APPL1: variants seen among roughly 807,000 people sequenced by gnomAD.
The protein encoded by APPL1 is adaptor protein, phosphotyrosine interacting with PH domain and leucine zipper 1.
APPL1 carries 42 observed loss-of-function variants against 106.8 expected under a neutral mutation model. The observed-to-expected ratio is 0.39, with a 90% CI of 0.31 to 0.51. The LOEUF (loss-of-function observed/expected upper bound fraction) is 0.51, where lower values mean the gene tolerates loss of function less well. Ranked by LOEUF, APPL1 falls within the 20% of genes least tolerant of loss-of-function variation. The probability of loss-of-function intolerance (pLI) is 0.75; values close to 1 mark genes in which losing one functional copy is unlikely to be tolerated. For missense variants in APPL1, 769 were observed against 858.2 expected (o/e 0.90, Z 1.30); for synonymous variants, 263 against 281.8 (o/e 0.93, Z 0.67).
Position 57,265,401 on chromosome 3 carries a change from C to T in APPL1, c.1843-2341C>T, listed in dbSNP as rs192218363. ...CTGGCCTCAAGTGATCCACCTGTCTCGGCCTCCCAAAGTGCTGGGATTACA... is the reference window on the plus strand; with the variant it reads ...CTGGCCTCAAGTGATCCACCTGTCTTGGCCTCCCAAAGTGCTGGGATTACA... On this transcript the variant is annotated intron_variant, in intron 19 of 21. Transcript: ENST00000288266. Among the ~76,000 whole-genome samples, 440 of 152,280 alleles carry T rather than the reference C, an allele frequency of 2.9e-3. 3 individuals are homozygous for T. The highest frequency in any genetic ancestry group is 4.4e-3 in the Non-Finnish European group (302 of 68,012).
chr3:57,253,122 G>T (rs1178343305), intron 12 of APPL1, among the ~76,000 whole-genome samples: 1 of 152,118 alleles, frequency 6.6e-6, no homozygotes, highest in Non-Finnish European at 1.5e-5. Flanking sequence ...TTGAATCCTC[G>T]AGAGTGAAGC....
At chr3:57,267,871 G>T in intron 20 of APPL1, 79 bp downstream of exon 20, 1 of 1,458,516 alleles carries the variant, frequency 6.9e-7, no homozygotes, top group South Asian at 1.1e-5. Flanking sequence ...GCGGGCAGAT[G>T]ACTTGAGGTC....
At chr3:57,256,111 A>T (rs1177044563) in intron 13 of APPL1, among the ~76,000 whole-genome samples, 1 of 152,160 alleles carries the variant, frequency 6.6e-6, no homozygotes, top group Non-Finnish European at 1.5e-5. Flanking sequence ...CAGGAGGCTG[A>T]GGGGGGAGGA....
intron 1 of APPL1, among the ~76,000 whole-genome samples, chr3:57,231,023 A>C (rs1270160906): frequency 6.6e-6 from 1 of 151,044 alleles, no homozygotes; most frequent in Admixed American, 6.6e-5. Flanking sequence ...TCAGCCTCCC[A>C]AGTAGCCCAA....
In APPL1 at chr3:57,228,073, A is replaced by G; in HGVS notation, c.54+136A>G. 1 of 728,156 alleles carries G rather than the reference A, an allele frequency of 1.4e-6. No individual in the cohort carries two copies. Among genetic ancestry groups the G allele is most frequent in the Non-Finnish European group, 1.9e-6 (1 of 536,412 alleles). 45.1% of individuals were successfully genotyped at this position (728,156 alleles called of 1,614,324 possible). On this transcript the variant is annotated intron_variant, in intron 1 of 21. Coordinates refer to ENST00000288266, the MANE Select transcript of APPL1 (RefSeq NM_012096.3). The surrounding 1 kb of genome is among the most constrained non-coding windows in gnomAD (Gnocchi z 4.6). ...GCCGCCCTAGGTCACCGCCCGTCGC[A>G]GGCCGCGCCCGGAGTTGTGGAGGCT...
At chr3:57,262,191 T>A (rs1372826970) in intron 19 of APPL1, among the ~76,000 whole-genome samples, 1 of 152,062 alleles carries the variant, frequency 6.6e-6, no homozygotes, top group Non-Finnish European at 1.5e-5. Context: ...AAATAATTTC[T>A]CCCATTCAAC....
At chr3:57,246,244 G>T (rs765200537) in intron 8 of APPL1, 22 bp downstream of exon 8, 1 of 1,498,944 alleles carries the variant, frequency 6.7e-7, no homozygotes, top group South Asian at 1.4e-5. Flanking sequence ...ACTGTATTTG[G>T]ATTATAACTG....
intron 1 of APPL1, chr3:57,230,668 G>T: frequency 2.6e-6 from 1 of 382,294 alleles, no homozygotes; most frequent in South Asian, 2.0e-5. Context: ...TGAGATTAAT[G>T]CTTTGGAGCA....
intron 1 of APPL1, among the ~76,000 whole-genome samples, chr3:57,234,013 G>A (rs2060702859): frequency 6.6e-6 from 1 of 152,120 alleles, no homozygotes; most frequent in African/African-American, 2.4e-5. Context: ...GAGCTCAGGA[G>A]GTCAAGGCTG....
chr3:57,258,981 C>A, intron 15 of APPL1, 47 bp from the exon 16 acceptor site: 2 of 1,399,956 alleles, frequency 1.4e-6, no homozygotes, highest in Non-Finnish European at 2.0e-6. Context: ...TTCTATGTGG[C>A]TCATGGTAAC....
chr3:57,230,661 G>GAAAA, intron 1 of APPL1: 2 of 349,320 alleles, frequency 5.7e-6, no homozygotes, highest in South Asian at 4.5e-5. Context: ...ATAGGGCTGA[G>GAAAA]ATTAATGCTT....
chr3:57,238,735 C>T (rs548299390), intron 4 of APPL1, among the ~76,000 whole-genome samples: 16 of 151,792 alleles, frequency 1.1e-4, no homozygotes, highest in South Asian at 8.3e-4. Flanking sequence ...AATGTTTTAC[C>T]GGGAAATCAA....
rs1379418245 is a variant in APPL1, at chr3:57,237,505, C to T, written c.167C>T (p.Ala56Val). The T allele has an allele frequency of 1.9e-6, 3 of 1,601,588 alleles. No homozygotes were observed. Among genetic ancestry groups the T allele is most frequent in the East Asian group, 2.2e-5 (1 of 44,508 alleles). The change falls in exon 3 of 22, where the codon GCA (alanine) becomes GTA (valine). Residue 56 changes from alanine to valine, a missense_variant. Transcript: ENST00000288266. ...CTTTTTCCATAGAATGAATTAAGTG[C>T]AGCAACACACCTGACCTCAAAACTT... ...RIYDAQNELS[A>V]ATHLTSKLLK... is the part of the protein sequence containing the mutation.
chr3:57,260,728 T>C lies in APPL1; in HGVS notation c.1796T>C (p.Leu599Pro). The C allele has an allele frequency of 2.5e-6, 4 of 1,612,482 alleles. No homozygotes were observed. The highest frequency in any genetic ancestry group is 3.4e-6 in the Non-Finnish European group (4 of 1,178,932). The change falls in exon 19 of 22, where the codon CTG becomes CCG. Residue 599 changes from leucine (L) to proline (P), a missense_variant. Physicochemically the swap from Leu to Pro is moderately conservative, Grantham distance 98. Transcript: ENST00000288266. ...RTSSGRSESNLSSVCYIFESN... is the reference protein window; with the variant it reads ...RTSSGRSESNPSSVCYIFESN... ...TCAAGCGGGAGAAGTGAAAGTAATCTGTCATCAGTCTGCTATATATTTGAG... is the reference window on the plus strand; with the variant it reads ...TCAAGCGGGAGAAGTGAAAGTAATCCGTCATCAGTCTGCTATATATTTGAG...
intron 18 of APPL1, 33 bp downstream of exon 18, chr3:57,260,186 G>A: frequency 6.3e-7 from 1 of 1,591,588 alleles, no homozygotes; most frequent in South Asian, 1.1e-5. Context: ...TTTGTTTTAG[G>A]TCCCTTTGTA....
intron 1 of APPL1, 24 bp downstream of exon 1, chr3:57,227,961 G>A (rs1310959241): frequency 1.4e-6 from 2 of 1,421,380 alleles, no homozygotes; most frequent in South Asian, 1.4e-5. Context: ...GCTGGTGGGC[G>A]ACGAGGGAGA....
At chr3:57,245,557 T>TTTTTTTTTTC (rs1318216941) in intron 7 of APPL1, among the ~76,000 whole-genome samples, 1 of 151,976 alleles carries the variant, frequency 6.6e-6, no homozygotes, top group Non-Finnish European at 1.5e-5. Context: ...AGTTTTTTTT[T>TTTTTTTTTTC]TTTTTGAGAC....
intron 4 of APPL1, among the ~76,000 whole-genome samples, chr3:57,238,860 A>G (rs972729869): frequency 2.6e-5 from 4 of 152,202 alleles, no homozygotes; most frequent in African/African-American, 9.6e-5. Flanking sequence ...AACCATAACC[A>G]CTGTATGGTT....
intron 10 of APPL1, among the ~76,000 whole-genome samples, 168 bp from the exon 11 acceptor site, chr3:57,249,192 A>G (rs933807176): frequency 9.9e-5 from 15 of 152,228 alleles, no homozygotes; most frequent in African/African-American, 3.4e-4. Context: ...GTGAGTCAAC[A>G]TACATGAATT....
Sources: gnomAD v4.1 joint callset for allele counts (sites outside exome capture counted in the v4.1 genomes callset) on GRCh38, gnomAD v4.1.1 for gene constraint, Gnocchi (gnomAD v3.1) non-coding constraint, MANE v1.5 for transcripts, NCBI Gene and HGNC (gene_info 2026-07-23, HGNC 2026-07-21) for gene names.